The following MINDY2 variants were observed in gnomAD, a reference collection of about 807,000 sequenced individuals.
The protein encoded by MINDY2 is ubiquitin carboxyl-terminal hydrolase MINDY-2.
Under a neutral mutation model 68.2 loss-of-function variants are expected in MINDY2, and 52 were observed. The observed-to-expected ratio is 0.76, with a 90% CI of 0.61 to 0.96. The LOEUF is 0.96. Ranked by LOEUF, MINDY2 falls within the 40% of genes least tolerant of loss-of-function variation. The pLI is 0.00. For missense variants in MINDY2, 881 were observed against 773.4 expected (o/e 1.14, Z -1.65); for synonymous variants, 372 against 303.0 (o/e 1.23, Z -2.36).
rs2033004080 is a variant in MINDY2, at chr15:58,854,782, A to G, written c.*172A>G. Reference sequence around the variant, plus strand: ...ACAATCAGACTTTTTCAAGTCACACAATACACTCTTTATGAGCTGGAGTTT... The same window carrying G: ...ACAATCAGACTTTTTCAAGTCACACGATACACTCTTTATGAGCTGGAGTTT... On this transcript the variant is annotated 3_prime_UTR_variant, in exon 9 of 9. Transcript: ENST00000559228. The G allele has an allele frequency of 1.7e-6, 1 of 588,576 alleles. No homozygotes were observed. The highest frequency in any genetic ancestry group is 3.2e-5 in the Admixed American group (1 of 31,038). The allele number at this position is 588,576 out of a possible 1,614,324, so 36.5% of individuals were successfully genotyped here.
chr15:58,799,566 G>A (rs534262737), intron 2 of MINDY2, among the ~76,000 whole-genome samples: 50 of 133,400 alleles, frequency 3.7e-4, no homozygotes, highest in African/African-American at 1.4e-3. Context: ...GCGACAGAGC[G>A]AGACTCCATC....
At chr15:58,772,485 T>C (rs1459172747) in intron 1 of MINDY2, among the ~76,000 whole-genome samples, 1 of 152,238 alleles carries the variant, frequency 6.6e-6, no homozygotes, top group Non-Finnish European at 1.5e-5. Flanking sequence ...GTTGATACAC[T>C]TAGAAACAAG....
intron 2 of MINDY2, among the ~76,000 whole-genome samples, chr15:58,800,933 G>A (rs1902603630): frequency 6.6e-6 from 1 of 151,914 alleles, no homozygotes; most frequent in Non-Finnish European, 1.5e-5. Flanking sequence ...GTCTGGAAGG[G>A]TAGAGACAGA....
chr15:58,846,758 C>A (rs575152100), intron 6 of MINDY2, among the ~76,000 whole-genome samples: 11 of 152,098 alleles, frequency 7.2e-5, no homozygotes, highest in East Asian at 5.8e-4. Flanking sequence ...CTACGAAACA[C>A]GTACAAAACA....
chr15:58,773,305 C>T (rs1900563278), intron 1 of MINDY2, among the ~76,000 whole-genome samples: 1 of 152,144 alleles, frequency 6.6e-6, no homozygotes, highest in Admixed American at 6.6e-5. Context: ...GAAAAATAAC[C>T]TGGATTCTTC....
chr15:58,824,885 GTCTCA>G (rs1161555047), intron 5 of MINDY2, among the ~76,000 whole-genome samples: 1 of 152,094 alleles, frequency 6.6e-6, no homozygotes, highest in East Asian at 1.9e-4. Context: ...GGCCAGGCTG[GTCTCA>G]AACTCCTGAC....
At chr15:58,848,628 C>T (rs1363476433) in intron 7 of MINDY2, among the ~76,000 whole-genome samples, 2 of 152,038 alleles carry the variant, frequency 1.3e-5, no homozygotes, top group African/African-American at 4.8e-5. Context: ...CGCCTGTAGT[C>T]GCAGCTACTC....
chr15:58,852,465 CA>C (rs1257418274), intron 8 of MINDY2, among the ~76,000 whole-genome samples: 1 of 152,012 alleles, frequency 6.6e-6, no homozygotes, highest in Non-Finnish European at 1.5e-5. Context: ...TTCTGATTTT[CA>C]AATTTATTTT....
In MINDY2 at chr15:58,857,007, A is replaced by G; in HGVS notation, c.*2397A>G. The stretch of plus-strand genomic sequence containing the variant: ...CTCACTCAAAACCAGCAGTGCTGCT[A>G]TCAGATAAGTAGATGTCAATGTATA... On this transcript the variant is annotated 3_prime_UTR_variant, in exon 9 of 9. Transcript: ENST00000559228. The G allele has an allele frequency of 6.6e-6, 1 of 152,252 alleles. No homozygotes were observed. 9.4% of individuals were successfully genotyped at this position (152,252 alleles called of 1,614,324 possible).
At chr15:58,802,770 A>G (rs1288837697) in intron 3 of MINDY2, among the ~76,000 whole-genome samples, 32 of 152,326 alleles carry the variant, frequency 2.1e-4, no homozygotes, top group African/African-American at 7.2e-4. Context: ...AAGTTGAACA[A>G]ATGATGTATA....
chr15:58,772,549 ATT>A (rs1490216624), intron 1 of MINDY2, among the ~76,000 whole-genome samples: 1 of 152,174 alleles, frequency 6.6e-6, no homozygotes, highest in Non-Finnish European at 1.5e-5. Flanking sequence ...AATTTCCTAC[ATT>A]TTCTTACTGA....
chr15:58,827,701 C>G (rs2031486080), intron 5 of MINDY2, among the ~76,000 whole-genome samples: 1 of 152,110 alleles, frequency 6.6e-6, no homozygotes, highest in Admixed American at 6.6e-5. Flanking sequence ...ATTCTCCCGC[C>G]TCGTCCTCCC....
intron 2 of MINDY2, among the ~76,000 whole-genome samples, chr15:58,788,297 C>G (rs899576133): frequency 6.6e-6 from 1 of 152,154 alleles, no homozygotes; most frequent in Non-Finnish European, 1.5e-5. Context: ...ATTGGGTAGA[C>G]TTGAATTAAA....
At chr15:58,835,637 G>C (rs1435358737) in intron 6 of MINDY2, among the ~76,000 whole-genome samples, 15 of 152,054 alleles carry the variant, frequency 9.9e-5, no homozygotes, top group Admixed American at 7.9e-4. Flanking sequence ...TAAGCGACAA[G>C]AGCGAAACTC....
intron 2 of MINDY2, among the ~76,000 whole-genome samples, chr15:58,789,880 C>G (rs1448861873): frequency 6.6e-6 from 1 of 152,108 alleles, no homozygotes; most frequent in Non-Finnish European, 1.5e-5. Context: ...CTCCTGACCT[C>G]AGGTGATCCG....
intron 6 of MINDY2, among the ~76,000 whole-genome samples, chr15:58,844,187 T>C (rs2032412930): frequency 6.6e-6 from 1 of 152,190 alleles, no homozygotes; most frequent in Non-Finnish European, 1.5e-5. Flanking sequence ...GGGCCTAAAC[T>C]AGTACTATAG....
chr15:58,807,595 C>A lies in MINDY2; in HGVS notation c.964-2635C>A, dbSNP rs190412068. On this transcript the variant is annotated intron_variant, in intron 3 of 8. Coordinates refer to ENST00000559228, the MANE Select transcript of MINDY2 (RefSeq NM_001040450.3). The stretch of plus-strand genomic sequence containing the variant: ...AGCCAGGATGGTCTCGATCTCCTGA[C>A]CTTGTGATCCGCCCGCCTCGGCCTC... Among the ~76,000 whole-genome samples the A allele has an allele frequency of 1.3e-4, 20 of 152,172 alleles. No homozygotes were observed. In the East Asian group the frequency reaches 3.1e-3, roughly 24 times the overall value.
chr15:58,825,102 T>TA (rs1225291976), intron 5 of MINDY2, among the ~76,000 whole-genome samples: 1 of 152,228 alleles, frequency 6.6e-6, no homozygotes, highest in Non-Finnish European at 1.5e-5. Context: ...TAATCTTTAT[T>TA]AAAAAATAAG....
chr15:58,822,967 A>T (rs991071611), intron 5 of MINDY2, among the ~76,000 whole-genome samples: 4 of 152,202 alleles, frequency 2.6e-5, no homozygotes, highest in African/African-American at 9.6e-5. Context: ...TAACGACTAC[A>T]GGAGCATATG....
Sources: allele counts gnomAD v4.1 joint callset (sites outside exome capture counted in the v4.1 genomes callset), GRCh38; gene constraint gnomAD v4.1.1; transcripts MANE v1.5; gene names NCBI Gene and HGNC (gene_info 2026-07-23, HGNC 2026-07-21).